CNTNAP2: variants seen among roughly 807,000 people sequenced by gnomAD.
CNTNAP2 encodes contactin associated protein 2, also known as contactin-associated protein-like 2.
Under a neutral mutation model 155.2 loss-of-function variants are expected in CNTNAP2, and 98 were observed. The ratio of observed to expected loss-of-function variants is 0.63; its 90% CI spans 0.54 to 0.75. CNTNAP2 has a LOEUF of 0.75. Among genes scored for constraint, CNTNAP2 ranks in the 30% least tolerant of loss-of-function variants. CNTNAP2 has a pLI of 0.00. For missense variants in CNTNAP2, 1,727 were observed against 1,688.1 expected (o/e 1.02, Z -0.40); for synonymous variants, 651 against 631.2 (o/e 1.03, Z -0.47).
intron 11 of CNTNAP2, among the ~76,000 whole-genome samples, chr7:147,521,169 C>A (rs987711966): frequency 4.6e-5 from 7 of 152,308 alleles, no homozygotes; most frequent in Admixed American, 3.9e-4. Context: ...GCATTCCAAC[C>A]AAATGGTCTG....
At chr7:146,816,399 G>A (rs900847050) in intron 2 of CNTNAP2, among the ~76,000 whole-genome samples, 7 of 152,124 alleles carry the variant, frequency 4.6e-5, no homozygotes, top group African/African-American at 1.7e-4. Context: ...TCAAGAACAA[G>A]AGAAAAAGAG....
chr7:146,428,470 G>A (rs1584920921), intron 1 of CNTNAP2, among the ~76,000 whole-genome samples: 1 of 151,350 alleles, frequency 6.6e-6, no homozygotes, highest in Non-Finnish European at 1.5e-5. Context: ...TCTCATTGTG[G>A]TTTTGATTTA....
At chr7:146,489,670 C>T (rs1797110275) in intron 1 of CNTNAP2, among the ~76,000 whole-genome samples, 1 of 152,096 alleles carries the variant, frequency 6.6e-6, no homozygotes, top group African/African-American at 2.4e-5. Flanking sequence ...TTCGGCGATT[C>T]CCAAGCTCTT....
intron 1 of CNTNAP2, among the ~76,000 whole-genome samples, chr7:146,470,923 G>T (rs1033994738): frequency 6.6e-6 from 1 of 151,946 alleles, no homozygotes; most frequent in Admixed American, 6.6e-5. Context: ...AAGTAGCCCA[G>T]CCAGATAAGA....
intron 3 of CNTNAP2, among the ~76,000 whole-genome samples, chr7:146,867,932 A>C (rs961349319): frequency 6.6e-6 from 1 of 152,060 alleles, no homozygotes; most frequent in African/African-American, 2.4e-5. Flanking sequence ...CCTTCATCAG[A>C]TGCATAGTTT....
rs76486710 is a variant in CNTNAP2 at position 147,573,421 on chromosome 7, G to A, written c.1897+11164G>A. On this transcript the variant is annotated intron_variant, in intron 12 of 23. Coordinates refer to ENST00000361727, the MANE Select transcript of CNTNAP2 (RefSeq NM_014141.6). ...CATCATCATTACTGTTGTTATTCAT[G>A]TTTTGCTTTTATGTGCATCCATGTT... 1.1e-4 allele frequency among the ~76,000 whole-genome samples: 16 copies of A among 152,218 alleles called. 1 individual carries two copies. The highest frequency in any genetic ancestry group is 3.3e-4 in the Admixed American group (5 of 15,276).
chr7:147,011,524 G>GATTCTGAAC lies in CNTNAP2; in HGVS notation c.403-32382_403-32374dup, dbSNP rs374569788. Among the ~76,000 whole-genome samples the GATTCTGAAC allele has an allele frequency of 5.3e-3, 808 of 151,884 alleles. 11 individuals are homozygous for GATTCTGAAC. The highest frequency in any genetic ancestry group is 0.018 in the African/African-American group (742 of 41,410). Reference sequence around the variant, plus strand: ...GGCATAAAAACTAAATGTGACATGGGATTCTGAACTGGATCCTTTTGGTAT... The same window carrying GATTCTGAAC: ...GGCATAAAAACTAAATGTGACATGGGATTCTGAACATTCTGAACTGGATCCTTTTGGTAT... On this transcript the variant is annotated intron_variant, in intron 3 of 23. Coordinates refer to ENST00000361727, the MANE Select transcript of CNTNAP2 (RefSeq NM_014141.6).
chr7:148,303,214 A>C (rs1308659249), intron 21 of CNTNAP2, among the ~76,000 whole-genome samples: 1 of 152,142 alleles, frequency 6.6e-6, no homozygotes, highest in Non-Finnish European at 1.5e-5. Flanking sequence ...ATTTAACTTG[A>C]TCCTGAAGAC....
intron 13 of CNTNAP2, among the ~76,000 whole-genome samples, chr7:147,839,450 C>T (rs530099996): frequency 5.3e-5 from 8 of 152,010 alleles, no homozygotes; most frequent in Non-Finnish European, 7.4e-5. Flanking sequence ...GGCTGGGTGG[C>T]GGTAAAGGAA....
intron 4 of CNTNAP2, among the ~76,000 whole-genome samples, chr7:147,077,913 G>A (rs562505493): frequency 1.2e-4 from 19 of 152,264 alleles, no homozygotes; most frequent in African/African-American, 4.6e-4. Flanking sequence ...AGAAATAGCT[G>A]TAGACAGAAC....
At chr7:147,102,637 A>G (rs1800680422) in intron 4 of CNTNAP2, among the ~76,000 whole-genome samples, 1 of 152,180 alleles carries the variant, frequency 6.6e-6, no homozygotes, top group African/African-American at 2.4e-5. Flanking sequence ...ATTTTCCCCA[A>G]AGTAGAAGTG....
intron 13 of CNTNAP2, among the ~76,000 whole-genome samples, chr7:147,678,047 A>G (rs550945561): frequency 1.3e-3 from 191 of 151,986 alleles, no homozygotes; most frequent in African/African-American, 4.3e-3. Flanking sequence ...AAATGCATAT[A>G]TAATTATATG....
chr7:146,368,225 G>C (rs529104632), intron 1 of CNTNAP2, among the ~76,000 whole-genome samples: 18 of 152,254 alleles, frequency 1.2e-4, no homozygotes, highest in African/African-American at 4.3e-4. Flanking sequence ...TCCCAGGCAA[G>C]CAACATAAAT....
intron 1 of CNTNAP2, among the ~76,000 whole-genome samples, chr7:146,357,232 C>CAAAA (rs71525940): frequency 8.1e-5 from 8 of 98,482 alleles, no homozygotes; most frequent in Non-Finnish European, 1.5e-4. Flanking sequence ...TACAGTGCTC[C>CAAAA]AAAAAAAAAA....
At chr7:147,491,097 G>A (rs1029103365) in intron 11 of CNTNAP2, among the ~76,000 whole-genome samples, 6 of 152,116 alleles carry the variant, frequency 3.9e-5, no homozygotes, top group Non-Finnish European at 7.4e-5. Flanking sequence ...CCAAACCATA[G>A]CAGGTATCTA....
chr7:146,559,293 G>A (rs1040678853), intron 1 of CNTNAP2, among the ~76,000 whole-genome samples: 28 of 152,052 alleles, frequency 1.8e-4, no homozygotes, highest in African/African-American at 6.8e-4. Context: ...AATTTGGCCA[G>A]GTGTGGTGGC....
chr7:147,998,103 CTTTTTTTTT>C (rs71188938), intron 15 of CNTNAP2, among the ~76,000 whole-genome samples: 2 of 75,806 alleles, frequency 2.6e-5, no homozygotes, highest in African/African-American at 1.1e-4. Context: ...TTTCTTTTTT[CTTTTTTTTT>C]TTTTTTTTTT....
chr7:147,593,869 A>C (rs1037778219), intron 12 of CNTNAP2, among the ~76,000 whole-genome samples: 2 of 152,168 alleles, frequency 1.3e-5, no homozygotes, highest in Non-Finnish European at 2.9e-5. Context: ...AGATTACAAC[A>C]ATTGTTGACA....
intron 9 of CNTNAP2, among the ~76,000 whole-genome samples, chr7:147,357,507 A>T (rs1161464781): frequency 6.6e-6 from 1 of 151,972 alleles, no homozygotes; most frequent in African/African-American, 2.4e-5. Flanking sequence ...GTCGGTACTG[A>T]AATGAGTAAT....
Sources: allele counts gnomAD v4.1 joint callset (sites outside exome capture counted in the v4.1 genomes callset), GRCh38; gene constraint gnomAD v4.1.1; transcripts MANE v1.5; gene names NCBI Gene and HGNC (gene_info 2026-07-23, HGNC 2026-07-21).